CASP6: variants seen among roughly 807,000 people sequenced by gnomAD.
CASP6 encodes caspase-6.
A neutral mutation model predicts 31.8 loss-of-function variants in CASP6; 20 were observed. The observed-to-expected ratio is 0.63, with a 90% confidence interval of 0.44 to 0.91. The LOEUF is 0.91. Ranked by LOEUF, CASP6 falls within the 40% of genes least tolerant of loss-of-function variation. CASP6 has a pLI of 0.00. For missense variants in CASP6, 328 were observed against 361.1 expected (o/e 0.91, Z 0.74); for synonymous variants, 130 against 127.8 (o/e 1.02, Z -0.12).
downstream of CASP6, chr4:109,687,859 T>G (rs1435365585): frequency 4.8e-6 from 2 of 416,352 alleles, no homozygotes; most frequent in Non-Finnish European, 8.6e-6. Context: ...CCACGTTTAT[T>G]CTCTATGTGG....
chr4:109,699,586 A>G (rs1167414177), intron 1 of CASP6, among the ~76,000 whole-genome samples: 1 of 152,224 alleles, frequency 6.6e-6, no homozygotes, highest in Non-Finnish European at 1.5e-5. Context: ...GTTAAAATGC[A>G]GATTCCTGGA....
chr4:109,687,474 T>C (rs1729874072), downstream of CASP6: 1 of 1,388,048 alleles, frequency 7.2e-7, no homozygotes, highest in Non-Finnish European at 1.0e-6. Flanking sequence ...GGTATGTTTC[T>C]CTTCTTTCTG....
the CASP6 span, among the ~76,000 whole-genome samples, chr4:109,669,649 A>G: frequency 6.8e-6 from 1 of 147,722 alleles, no homozygotes; most frequent in East Asian, 1.9e-4. Flanking sequence ...CATTACATAC[A>G]TGTTATTCAT....
In CASP6 at chr4:109,695,941, G is replaced by C. The variant is rs5030568; in HGVS notation, c.307+469C>G. 8.0e-3 allele frequency among the ~76,000 whole-genome samples: 1,214 copies of C among 152,220 alleles called. 14 individuals are homozygous for C. Among genetic ancestry groups the C allele is most frequent in the African/African-American group, 0.027 (1,107 of 41,534 alleles). On this transcript the variant is annotated intron_variant, in intron 4 of 6. Transcript: ENST00000265164. ...AGTAATTATGCAAATATAATGGTTG[G>C]CATGCAGCGATGATTATAATATAGG...
the CASP6 span, among the ~76,000 whole-genome samples, chr4:109,681,147 C>T: frequency 6.6e-6 from 1 of 152,092 alleles, no homozygotes; most frequent in Non-Finnish European, 1.5e-5. Flanking sequence ...GTGTATATTC[C>T]ATAGACACAT....
At chr4:109,665,302 T>A in the CASP6 span, among the ~76,000 whole-genome samples, 3 of 152,342 alleles carry the variant, frequency 2.0e-5, no homozygotes, top group African/African-American at 7.2e-5. Flanking sequence ...AAAAGTGTCT[T>A]GGGTCTTTAT....
chr4:109,693,949 G>A (rs1275191009), intron 5 of CASP6, among the ~76,000 whole-genome samples: 1 of 151,968 alleles, frequency 6.6e-6, no homozygotes, highest in Non-Finnish European at 1.5e-5. Context: ...ATGTTTGCCA[G>A]GCTGGTCTTG....
At chr4:109,696,555 A>C (rs1044520477) in intron 3 of CASP6, 69 bp from the exon 4 acceptor site, 1 of 1,010,400 alleles carries the variant, frequency 9.9e-7, no homozygotes, top group African/African-American at 1.6e-5. Context: ...TTACTTTGGA[A>C]GAATCTATAC....
chr4:109,679,708 G>A, the CASP6 span, among the ~76,000 whole-genome samples: 1 of 152,208 alleles, frequency 6.6e-6, no homozygotes. Context: ...GAAGCAGAAA[G>A]TGGACTAGTG....
the CASP6 span, among the ~76,000 whole-genome samples, chr4:109,683,378 T>C: frequency 1.3e-5 from 2 of 152,228 alleles, no homozygotes; most frequent in African/African-American, 4.8e-5. Context: ...TGATTACCTC[T>C]AAGGGTATTT....
the CASP6 span, among the ~76,000 whole-genome samples, chr4:109,669,600 ATTCTTCTG>A: frequency 1.3e-5 from 2 of 151,438 alleles, no homozygotes; most frequent in African/African-American, 4.8e-5. Flanking sequence ...TAATCAAATA[ATTCTTCTG>A]TTCTTTCCTT....
chr4:109,668,932 G>A, the CASP6 span, among the ~76,000 whole-genome samples: 1 of 151,866 alleles, frequency 6.6e-6, no homozygotes, highest in Non-Finnish European at 1.5e-5. Context: ...AAATAATCCT[G>A]ATTTCTCCCT....
the CASP6 span, among the ~76,000 whole-genome samples, chr4:109,681,997 C>T: frequency 2.0e-5 from 3 of 152,218 alleles, no homozygotes; most frequent in Non-Finnish European, 4.4e-5. Flanking sequence ...TTGTCCTTCC[C>T]GCTGTGCTCT....
chr4:109,678,897 G>T, the CASP6 span, among the ~76,000 whole-genome samples: 2 of 148,144 alleles, frequency 1.4e-5, no homozygotes, highest in African/African-American at 2.5e-5. Flanking sequence ...CTTCCCAGAC[G>T]GGGTGGCGGC....
At chr4:109,705,343 T>C (rs1013977990), upstream of CASP6, among the ~76,000 whole-genome samples, 3 of 152,202 alleles carry the variant, frequency 2.0e-5, no homozygotes, top group Admixed American at 6.5e-5. Flanking sequence ...TTTCAAAATA[T>C]TACTCCTCAT....
At chr4:109,706,001 A>AAAT (rs1730596189), upstream of CASP6, among the ~76,000 whole-genome samples, 1 of 31,678 alleles carries the variant, frequency 3.2e-5, no homozygotes, top group Non-Finnish European at 5.7e-5. Flanking sequence ...AAAAAAAAAA[A>AAAT]ATATATATAT....
intron 6 of CASP6, among the ~76,000 whole-genome samples, chr4:109,689,991 C>A (rs1729985031): frequency 6.6e-6 from 1 of 151,870 alleles, no homozygotes; most frequent in South Asian, 2.1e-4. Context: ...TCGAGACCAG[C>A]CTGGCCAACA....
rs1579110434 is a variant in CASP6 at position 109,696,433 on chromosome 4, T to G, written c.284A>C (p.Glu95Ala). ...VKCFNDLKAE[E>A]LLLKIHEVST... ...ACCCTCATGAATTTTGAGCAGTAGT[T>G]CTTCTGCTTTAAGATCATTAAAGCA... Residue 95 changes from glutamate to alanine, a missense_variant, in exon 4 of 7, where the codon GAA becomes GCA. Glu to Ala is a moderately radical substitution (Grantham distance 107, BLOSUM62 -1). Coordinates refer to ENST00000265164, the MANE Select transcript of CASP6 (RefSeq NM_001226.4). 6.2e-7 allele frequency: 1 copy of G among 1,612,516 alleles called. No homozygotes were observed. Among genetic ancestry groups the G allele is most frequent in the South Asian group, 1.1e-5 (1 of 90,982 alleles).
chr4:109,683,777 G>T (rs117423158), downstream of CASP6, among the ~76,000 whole-genome samples: 562 of 152,278 alleles, frequency 3.7e-3, 17 homozygotes, highest in South Asian at 0.058. Context: ...TGGGTTTTGT[G>T]TATGCAGGTA....
Sources: allele counts gnomAD v4.1 joint callset (sites outside exome capture counted in the v4.1 genomes callset), GRCh38; gene constraint gnomAD v4.1.1; transcripts MANE v1.5; gene names NCBI Gene and HGNC (gene_info 2026-07-23, HGNC 2026-07-21).